NID1: variants seen among roughly 807,000 people sequenced by gnomAD.
NID1 encodes nidogen-1.
A neutral mutation model predicts 130.6 loss-of-function variants in NID1; 76 were observed. The ratio of observed to expected loss-of-function variants is 0.58; its 90% CI spans 0.48 to 0.70. The LOEUF is 0.70. NID1 is among the 30% of genes least tolerant of loss of function. The pLI, the probability that NID1 is intolerant of heterozygous loss-of-function variation, is 0.00. For synonymous variants in NID1, 665 were observed against 675.1 expected, an observed-to-expected ratio of 0.98 and a Z score of 0.23; for missense variants, 1,517 against 1,664.8, an observed-to-expected ratio of 0.91 and a Z score of 1.54.
intron 16 of NID1, among the ~76,000 whole-genome samples, chr1:235,981,355 C>A (rs1657431043): frequency 6.6e-6 from 1 of 152,168 alleles, no homozygotes; most frequent in South Asian, 2.1e-4. Flanking sequence ...GGAAAATATC[C>A]AATTTCTGAG....
chr1:236,006,374 A>G (rs1658249317), intron 12 of NID1, among the ~76,000 whole-genome samples: 1 of 152,202 alleles, frequency 6.6e-6, no homozygotes, highest in Non-Finnish European at 1.5e-5. Context: ...TCCCGATGAA[A>G]GATCACACCA....
chr1:235,985,568 T>C, intron 14 of NID1, 63 bp from the exon 15 acceptor site: 1 of 1,580,958 alleles, frequency 6.3e-7, no homozygotes, highest in Non-Finnish European at 8.7e-7. Flanking sequence ...GAGAATCTTT[T>C]TGCGTGCCTA....
At chr1:236,016,000 C>T (rs551949908) in intron 10 of NID1, among the ~76,000 whole-genome samples, 1 of 152,142 alleles carries the variant, frequency 6.6e-6, no homozygotes, top group Admixed American at 6.6e-5. Flanking sequence ...CTGTGCACAT[C>T]AGCACCCAAG....
At chr1:236,026,189 A>G (rs1424827671) in intron 7 of NID1, 48 bp from the exon 8 acceptor site, 2 of 1,602,580 alleles carry the variant, frequency 1.2e-6, no homozygotes, top group African/African-American at 2.7e-5. Context: ...GACAGAGGGA[A>G]GATGGTTAAG....
intron 9 of NID1, 54 bp downstream of exon 9, chr1:236,024,016 G>A: frequency 6.2e-7 from 1 of 1,602,146 alleles, no homozygotes; most frequent in South Asian, 1.1e-5. Flanking sequence ...GAACGTGGAT[G>A]CCTCCTCCTC....
At chr1:236,020,603 G>C (rs185694452) in intron 9 of NID1, among the ~76,000 whole-genome samples, 1 of 152,250 alleles carries the variant, frequency 6.6e-6, no homozygotes, top group East Asian at 1.9e-4. Context: ...CCCTTGTTTG[G>C]GGTGTCATAT....
intron 7 of NID1, 31 bp downstream of exon 7, chr1:236,029,519 G>C: frequency 6.5e-7 from 1 of 1,545,200 alleles, no homozygotes; most frequent in Non-Finnish European, 8.7e-7. Flanking sequence ...GGCCGGTCTG[G>C]GGCTGGCCCT....
chr1:236,056,903 C>A (rs112960628), intron 1 of NID1, among the ~76,000 whole-genome samples: 147 of 135,800 alleles, frequency 1.1e-3, no homozygotes, highest in African/African-American at 4.4e-3. Context: ...AAAAAAAAAA[C>A]AAAAACATGA....
intron 1 of NID1, among the ~76,000 whole-genome samples, chr1:236,051,255 C>A (rs1659755966): frequency 6.7e-6 from 1 of 150,086 alleles, no homozygotes; most frequent in South Asian, 2.1e-4. Flanking sequence ...TTCCCTCCCC[C>A]TCCCCCTGCC....
At chr1:236,038,858 T>C (rs1283699214) in intron 4 of NID1, among the ~76,000 whole-genome samples, 6 of 127,732 alleles carry the variant, frequency 4.7e-5, no homozygotes, top group Non-Finnish European at 9.3e-5. Flanking sequence ...CTATGTTATA[T>C]AGGTCATATA....
chr1:236,064,321 A>G (rs1484156318), intron 1 of NID1, among the ~76,000 whole-genome samples: 1 of 152,208 alleles, frequency 6.6e-6, no homozygotes, highest in Non-Finnish European at 1.5e-5. Flanking sequence ...AACGAGCCCA[A>G]CTGGAAAGCA....
intron 5 of NID1, among the ~76,000 whole-genome samples, chr1:236,036,398 T>G (rs1011992602): frequency 3.9e-5 from 6 of 152,216 alleles, no homozygotes; most frequent in Non-Finnish European, 8.8e-5. Flanking sequence ...TTTAGCAACT[T>G]GAAATGATAA....
chr1:236,014,146 G>T (rs1393488740), intron 10 of NID1, among the ~76,000 whole-genome samples: 3 of 152,118 alleles, frequency 2.0e-5, no homozygotes, highest in African/African-American at 4.8e-5. Flanking sequence ...GGCAGCCTTG[G>T]TATATACCAG....
At chr1:235,981,229 C>T (rs755818850) in intron 16 of NID1, among the ~76,000 whole-genome samples, 7 of 152,196 alleles carry the variant, frequency 4.6e-5, no homozygotes, top group Middle Eastern at 3.2e-3. Flanking sequence ...GAAGGGATCT[C>T]CAGGGTGTTC....
intron 1 of NID1, among the ~76,000 whole-genome samples, chr1:236,052,344 A>G (rs1041712904): frequency 2.1e-5 from 3 of 140,396 alleles, no homozygotes; most frequent in Non-Finnish European, 4.4e-5. Context: ...GGGAAAGGAC[A>G]CAGGCACTCA....
At chr1:236,021,159 A>G (rs889999400) in intron 9 of NID1, among the ~76,000 whole-genome samples, 3 of 152,182 alleles carry the variant, frequency 2.0e-5, no homozygotes, top group Non-Finnish European at 4.4e-5. Flanking sequence ...CAGCCGTCTC[A>G]CAGCCTGGGA....
chr1:236,011,300 T>C (rs1658402504), intron 12 of NID1, among the ~76,000 whole-genome samples: 1 of 142,428 alleles, frequency 7.0e-6, no homozygotes, highest in African/African-American at 2.6e-5. Context: ...TATATTCTTT[T>C]TTTTTCTTTT....
At chr1:236,026,896 G>A (rs988754071) in intron 7 of NID1, among the ~76,000 whole-genome samples, 4 of 151,902 alleles carry the variant, frequency 2.6e-5, no homozygotes, top group South Asian at 2.1e-4. Flanking sequence ...GTGCTATCAC[G>A]CTCAGCTCAT....
intron 9 of NID1, among the ~76,000 whole-genome samples, chr1:236,021,892 TTATAA>T (rs1488183888): frequency 6.6e-6 from 1 of 152,278 alleles, no homozygotes; most frequent in Non-Finnish European, 1.5e-5. Context: ...TGAACTTAAG[TTATAA>T]ATAATAAAAT....
Sources: gnomAD v4.1 joint callset for allele counts (sites outside exome capture counted in the v4.1 genomes callset) on GRCh38, gnomAD v4.1.1 for gene constraint, MANE v1.5 for transcripts, NCBI Gene and HGNC (gene_info 2026-07-23, HGNC 2026-07-21) for gene names.